The following CAMK2G variants were observed in gnomAD, a reference collection of about 807,000 sequenced individuals.
CAMK2G encodes the protein calcium/calmodulin dependent protein kinase II gamma, also known as calcium/calmodulin-dependent protein kinase type II subunit gamma.
In CAMK2G, 23 loss-of-function variants were observed where a neutral mutation model predicts 88.7. That is an observed-to-expected ratio of 0.26 (90% CI 0.19 to 0.37). The LOEUF (loss-of-function observed/expected upper bound fraction) is 0.37. Ranked by LOEUF, CAMK2G falls within the 10% of genes least tolerant of loss-of-function variation. The probability of loss-of-function intolerance (pLI) is 1.00; values close to 1 mark genes in which losing one functional copy is unlikely to be tolerated. For synonymous variants in CAMK2G, 263 were observed against 294.8 expected (o/e 0.89, Z 1.11); for missense variants, 476 against 780.8 (o/e 0.61, Z 4.65).
rs1159409799 is a variant in CAMK2G, at chr10:73,817,134, A to G, written c.1440-17T>C. 2 of 1,589,016 alleles carry G rather than the reference A, an allele frequency of 1.3e-6. No individual in the cohort carries two copies. Among genetic ancestry groups the G allele is most frequent in the Admixed American group, 3.8e-5 (2 of 53,280 alleles). ...CAAATCTTCCTACAGGGAGAAAAAA[A>G]AAAGCAGCCTATCAGGCTTCTATGG... On this transcript the variant is annotated splice_polypyrimidine_tract_variant and intron_variant, in intron 20 of 22. Coordinates refer to ENST00000423381, the MANE Select transcript of CAMK2G (RefSeq NM_001367534.1).
intron 3 of CAMK2G, among the ~76,000 whole-genome samples, chr10:73,853,750 C>A (rs1565430101): frequency 1.3e-5 from 2 of 152,170 alleles, no homozygotes; most frequent in East Asian, 3.9e-4. Flanking sequence ...GGATGGTGAG[C>A]CTGGAAGGCC....
chr10:73,862,718 G>A (rs1685789906), intron 2 of CAMK2G, among the ~76,000 whole-genome samples: 1 of 152,242 alleles, frequency 6.6e-6, no homozygotes, highest in African/African-American at 2.4e-5. Context: ...AGAATGGTGA[G>A]AGTTGAGTTA....
chr10:73,852,832 G>A (rs1163503137), intron 4 of CAMK2G: 8 of 277,756 alleles, frequency 2.9e-5, no homozygotes, highest in Non-Finnish European at 4.7e-5. Flanking sequence ...CCTGGTTTCC[G>A]ACTAATGAAA....
At chr10:73,817,661 A>G in intron 19 of CAMK2G, 107 bp from the exon 20 acceptor site, 1 of 755,020 alleles carries the variant, frequency 1.3e-6, no homozygotes, top group South Asian at 1.4e-5. Flanking sequence ...TGACAAAGAC[A>G]TCCCTCTTCT....
rs368660026 is a variant in CAMK2G at position 73,815,124 on chromosome 10, C to T, written c.1658G>A (p.Arg553Gln). ...RLTQYIDGQG[R>Q]PRTSQSEETR... Reference sequence around the variant, plus strand: ...CTCTTCTGACTGGCTGGTGCGAGGCCGACCCTGCCCGTCGATGTACTGGGT... The same window carrying T: ...CTCTTCTGACTGGCTGGTGCGAGGCTGACCCTGCCCGTCGATGTACTGGGT... The change falls in exon 22 of 23, where the codon CGG (arginine) becomes CAG (glutamine). Residue 553 changes from arginine to glutamine, a missense_variant. Arg to Gln is a conservative substitution (Grantham distance 43). Transcript: ENST00000423381. 2.4e-5 allele frequency: 38 copies of T among 1,614,098 alleles called. No homozygotes were observed. The highest frequency in any genetic ancestry group is 8.0e-5 in the African/African-American group (6 of 74,940).
chr10:73,849,774 T>C (rs1251433721), intron 5 of CAMK2G, among the ~76,000 whole-genome samples: 1 of 152,202 alleles, frequency 6.6e-6, no homozygotes, highest in East Asian at 1.9e-4. Context: ...CCTAAGCTAC[T>C]TTGGCGGTGG....
chr10:73,848,881 C>T lies in CAMK2G; in HGVS notation c.517+132G>A, dbSNP rs555587712. The T allele has an allele frequency of 9.5e-6, 7 of 736,342 alleles. No individual in the cohort carries two copies. Among genetic ancestry groups the T allele is most frequent in the Non-Finnish European group, 1.5e-5 (6 of 401,216 alleles). The allele number at this position is 736,342 out of a possible 1,614,324, so 45.6% of individuals were successfully genotyped here. ...AACAGCTAGACTTACTGTACTGAGT[C>T]GCGTACGGCCAAGAGAGATCTCGGA... is the stretch of plus-strand genomic sequence containing the variant. On this transcript the variant is annotated intron_variant, in intron 7 of 22. Transcript: ENST00000423381. This position sits in a 1 kb window ranked among gnomAD's most constrained non-coding sequence, Gnocchi z 4.5.
intron 21 of CAMK2G, chr10:73,816,033 G>C: frequency 2.0e-6 from 2 of 985,450 alleles, no homozygotes; most frequent in African/African-American, 3.5e-5. Context: ...GCTGAGATGT[G>C]ATAAGGGTGG....
At chr10:73,819,451 G>C in intron 19 of CAMK2G, 81 bp downstream of exon 19, 1 of 968,002 alleles carries the variant, frequency 1.0e-6, no homozygotes, top group African/African-American at 1.6e-5. Flanking sequence ...GGGTGGGACT[G>C]ACAGCTGTGG....
chr10:73,848,233 C>T lies in CAMK2G; in HGVS notation c.602-151G>A, dbSNP rs2094388907. On this transcript the variant is annotated intron_variant, in intron 8 of 22. Transcript: ENST00000423381. This position sits in a 1 kb window ranked among gnomAD's most constrained non-coding sequence, Gnocchi z 4.5. ...CAGCCGATAATGCTATGCTACCAGC[C>T]CCTCCTGCTATGCCTCACACTTCAC... is the stretch of plus-strand genomic sequence containing the variant. The T allele has an allele frequency of 3.1e-6, 2 of 651,520 alleles. No homozygotes were observed. Among genetic ancestry groups the T allele is most frequent in the East Asian group, 2.6e-5 (1 of 38,710 alleles). The allele number at this position is 651,520 out of a possible 1,614,324, so 40.4% of individuals were successfully genotyped here. A position where few individuals can be genotyped will look rare whatever the true frequency, so the allele number is the denominator to read the frequency against.
intron 5 of CAMK2G, among the ~76,000 whole-genome samples, chr10:73,850,903 C>T (rs546899732): frequency 1.2e-4 from 18 of 152,306 alleles, no homozygotes; most frequent in African/African-American, 4.1e-4. Context: ...TAGCAGGGAG[C>T]GCCTTCTGGC....
chr10:73,867,442 GT>G (rs2095636934), intron 2 of CAMK2G, among the ~76,000 whole-genome samples: 1 of 152,214 alleles, frequency 6.6e-6, no homozygotes, highest in Non-Finnish European at 1.5e-5. Flanking sequence ...TTTGCCCACT[GT>G]TTTGGTGACA....
chr10:73,846,001 C>T (rs2094213832), intron 10 of CAMK2G, among the ~76,000 whole-genome samples: 1 of 151,668 alleles, frequency 6.6e-6, no homozygotes, highest in South Asian at 2.1e-4. Context: ...CTCGCTGCAG[C>T]CTCAAACTCC....
At chr10:73,855,212 C>A (rs898658338) in intron 3 of CAMK2G, among the ~76,000 whole-genome samples, 18 of 152,208 alleles carry the variant, frequency 1.2e-4, no homozygotes, top group Non-Finnish European at 2.4e-4. Flanking sequence ...TTGCGCACCT[C>A]TGGTCTAAGT....
intron 18 of CAMK2G, among the ~76,000 whole-genome samples, chr10:73,820,364 C>T (rs148549031): frequency 1.8e-4 from 27 of 150,846 alleles, no homozygotes; most frequent in African/African-American, 5.4e-4. Flanking sequence ...TGTGGCCTCA[C>T]GGTTGTCAGA....
intron 16 of CAMK2G, 32 bp from the exon 17 acceptor site, chr10:73,824,116 C>G (rs2090104012): frequency 6.3e-7 from 1 of 1,581,538 alleles, no homozygotes; most frequent in African/African-American, 1.3e-5. Context: ...ACCCTTCCGA[C>G]TTGGGGACAG....
chr10:73,820,482 A>ATT (rs1238326994), intron 18 of CAMK2G, among the ~76,000 whole-genome samples: 1 of 33,264 alleles, frequency 3.0e-5, no homozygotes, highest in African/African-American at 2.1e-4. Flanking sequence ...ATATATATAT[A>ATT]TATATATATA....
intron 19 of CAMK2G, chr10:73,818,837 C>T (rs2086699923): frequency 2.2e-6 from 1 of 456,152 alleles, no homozygotes; most frequent in Non-Finnish European, 4.4e-6. Flanking sequence ...AGAAACTCTG[C>T]AAGGATAGAT....
At position 73,842,679 on chromosome 10, in the gene CAMK2G, C is replaced by A; in HGVS notation, c.820-138G>T. On this transcript the variant is annotated intron_variant, in intron 10 of 22. Coordinates refer to ENST00000423381, the MANE Select transcript of CAMK2G (RefSeq NM_001367534.1). The surrounding 1 kb of genome is among the most constrained non-coding windows in gnomAD (Gnocchi z 4.6). ...TTGCTCTGAAGATGAAATGAGGTCACAGATGTGAAAACGCTTTTAGAATAA... is the reference window on the plus strand; with the variant it reads ...TTGCTCTGAAGATGAAATGAGGTCAAAGATGTGAAAACGCTTTTAGAATAA... 1 of 638,886 alleles carries A rather than the reference C, an allele frequency of 1.6e-6. No homozygotes were observed. Among genetic ancestry groups the A allele is most frequent in the Admixed American group, 2.8e-5 (1 of 36,048 alleles). 39.6% of individuals were successfully genotyped at this position (638,886 alleles called of 1,614,324 possible). A position where few individuals can be genotyped will look rare whatever the true frequency, so the allele number is the denominator to read the frequency against.
Sources: gnomAD v4.1 joint callset for allele counts (sites outside exome capture counted in the v4.1 genomes callset) on GRCh38, gnomAD v4.1.1 for gene constraint, Gnocchi (gnomAD v3.1) non-coding constraint, MANE v1.5 for transcripts, NCBI Gene and HGNC (gene_info 2026-07-23, HGNC 2026-07-21) for gene names.